CCDC57: variants seen among roughly 807,000 people sequenced by gnomAD.
The protein encoded by CCDC57 is coiled-coil domain-containing protein 57.
In CCDC57, 118 loss-of-function variants were observed where a neutral mutation model predicts 118.9. The ratio of observed to expected loss-of-function variants is 0.99; its 90% CI spans 0.86 to 1.16. The LOEUF (loss-of-function observed/expected upper bound fraction) is 1.16, where lower values mean the gene tolerates loss of function less well. Among genes scored for constraint, CCDC57 ranks in the 50% most tolerant of loss-of-function variants. The probability of loss-of-function intolerance (pLI) is 0.00; values close to 1 mark genes in which losing one functional copy is unlikely to be tolerated. For synonymous variants in CCDC57, 527 were observed against 532.9 expected (o/e 0.99, Z 0.15); for missense variants, 1,300 against 1,320.7 (o/e 0.98, Z 0.24).
exon 20 of CCDC57, chr17:82,101,611 C>G: frequency 1.0e-5 from 13 of 1,276,132 alleles, no homozygotes; most frequent in African/African-American, 3.0e-5. Flanking sequence ...CCCCACAACA[C>G]GTAGGTGAAA....
intron 15 of CCDC57, chr17:82,156,875 TCCCTGGGGATCTGCTCCCCAAGCACGGTG>T (rs1176213807): frequency 2.6e-5 from 4 of 152,286 alleles, no homozygotes; most frequent in African/African-American, 7.2e-5. Context: ...CCAGCCTGAG[TCCCTGGGGATCTGCTCCCCAAGCACGGTG>T]CCCTGGGGAT....
exon 18 of CCDC57, chr17:82,128,520 G>T: frequency 6.4e-7 from 1 of 1,569,126 alleles, no homozygotes; most frequent in Non-Finnish European, 8.7e-7. Context: ...CGTCAAGTCT[G>T]CTGCCCACCT....
chr17:82,133,431 CAAAAAAAAAA>C (rs71166189), intron 17 of CCDC57, among the ~76,000 whole-genome samples: 516 of 38,414 alleles, frequency 0.013, 5 homozygotes, highest in African/African-American at 0.049. Context: ...GGCCCTGTCT[CAAAAAAAAAA>C]AAAAAAAAAA....
At chr17:82,211,726 G>C (rs1447941923) in intron 1 of CCDC57, among the ~76,000 whole-genome samples, 2 of 152,092 alleles carry the variant, frequency 1.3e-5, no homozygotes, top group African/African-American at 4.8e-5. Context: ...TTCTTCGCTT[G>C]CAGCCCCTTG....
chr17:82,200,070 G>A (rs535864770), intron 3 of CCDC57, among the ~76,000 whole-genome samples: 1 of 152,306 alleles, frequency 6.6e-6, no homozygotes, highest in South Asian at 2.1e-4. Context: ...TGGGGCTTCT[G>A]AGCTAGAGGG....
intron 16 of CCDC57, among the ~76,000 whole-genome samples, chr17:82,141,241 T>C (rs1033759920): frequency 2.2e-4 from 33 of 149,672 alleles, no homozygotes; most frequent in Non-Finnish European, 3.5e-4. Context: ...TGGAGTGCAA[T>C]GGCATGATCT....
intron 19 of CCDC57, among the ~76,000 whole-genome samples, chr17:82,125,117 G>A (rs144255283): frequency 1.3e-5 from 2 of 152,228 alleles, no homozygotes; most frequent in Non-Finnish European, 2.9e-5. Flanking sequence ...CACGGGGAAC[G>A]GAAGCCACAC....
intron 17 of CCDC57, among the ~76,000 whole-genome samples, chr17:82,130,703 ATGTTG>A (rs1398841419): frequency 1.4e-5 from 2 of 146,344 alleles, no homozygotes; most frequent in African/African-American, 5.1e-5. Context: ...GGGTTTCATC[ATGTTG>A]GCCAGGCTGG....
At position 82,150,415 on chromosome 17, in the gene CCDC57, A is replaced by T. The variant is rs537158527; in HGVS notation, c.2455+1145T>A. On this transcript the variant is annotated intron_variant, in intron 16 of 19. Transcript: ENST00000665763. ...CACACCCAGAACCAGGCGCACACCC[A>T]GAACCTGACCCGCACCTAGAACCAG... Among the ~76,000 whole-genome samples the T allele has an allele frequency of 2.0e-5, 3 of 148,180 alleles. No homozygotes were observed. The South Asian group carries it at 6.6e-4, about 32-fold the overall frequency.
Position 82,172,763 on chromosome 17 carries a change from A to G in CCDC57, c.1604T>C (p.Ile535Thr), listed in dbSNP as rs1480672842. ...CTCCATTTCTTTCCTCATCTGGGCA[A>G]TCGCGTTTCGCAAGCTCGTGTTCTG... Residue 535 changes from isoleucine (I) to threonine (T), a missense_variant, in exon 12 of 20, where the codon ATT (isoleucine) becomes ACT (threonine). Transcript: ENST00000665763. This position sits in a 1 kb window ranked among gnomAD's most constrained non-coding sequence, Gnocchi z 5.2. The G allele has an allele frequency of 6.2e-7, 1 of 1,612,076 alleles. No homozygotes were observed. Among genetic ancestry groups the G allele is most frequent in the Non-Finnish European group, 8.5e-7 (1 of 1,179,282 alleles).
intron 16 of CCDC57, among the ~76,000 whole-genome samples, chr17:82,144,882 A>C (rs1287354468): frequency 6.6e-6 from 1 of 152,212 alleles, no homozygotes; most frequent in Non-Finnish European, 1.5e-5. Flanking sequence ...CAGGAAAATG[A>C]CATGACGATA....
intron 9 of CCDC57, among the ~76,000 whole-genome samples, chr17:82,182,687 T>G (rs945943964): frequency 6.8e-6 from 1 of 147,986 alleles, no homozygotes; most frequent in African/African-American, 2.5e-5. Flanking sequence ...ATTTTTTATT[T>G]GTTTATTCAT....
intron 15 of CCDC57, among the ~76,000 whole-genome samples, chr17:82,152,995 G>A (rs971427566): frequency 6.6e-6 from 1 of 152,242 alleles, no homozygotes; most frequent in Non-Finnish European, 1.5e-5. Context: ...GAGGACGGGT[G>A]CAGGGCAGCC....
intron 8 of CCDC57, 57 bp from the exon 8 acceptor site, chr17:82,183,989 T>C (rs1464212807): frequency 1.5e-5 from 19 of 1,310,220 alleles, no homozygotes; most frequent in South Asian, 4.3e-5. Flanking sequence ...AGTTGTCTCT[T>C]ACACAGCACC....
At chr17:82,102,957 G>C (rs895405922) in intron 19 of CCDC57, among the ~76,000 whole-genome samples, 1 of 152,204 alleles carries the variant, frequency 6.6e-6, no homozygotes, top group Non-Finnish European at 1.5e-5. Flanking sequence ...CCACACTGTG[G>C]CTGGGGTGAG....
chr17:82,128,727 G>A, intron 17 of CCDC57, 130 bp from the exon 17 acceptor site: 1 of 718,126 alleles, frequency 1.4e-6, no homozygotes, highest in Non-Finnish European at 2.3e-6. Context: ...CACACCATTT[G>A]GTGACAGCCC....
chr17:82,106,131 T>C (rs1236028535), intron 19 of CCDC57: 1 of 152,334 alleles, frequency 6.6e-6, no homozygotes, highest in African/African-American at 2.4e-5. Context: ...AGCCTGTCAG[T>C]GTTGCCCAAT....
intron 16 of CCDC57, among the ~76,000 whole-genome samples, chr17:82,138,650 TGGCCTGCCCCGGGTCGGAAG>T (rs2145515370): frequency 6.8e-6 from 1 of 146,902 alleles, no homozygotes; most frequent in South Asian, 2.2e-4. Context: ...AAGAGACGCA[TGGCCTGCCCCGGGTCGGAAG>T]AGACGCGTGG....
chr17:82,159,094 T>A (rs1415770085), intron 14 of CCDC57, among the ~76,000 whole-genome samples: 1 of 152,182 alleles, frequency 6.6e-6, no homozygotes, highest in African/African-American at 2.4e-5. Context: ...TTCAAACTGC[T>A]GAGCTCAAAT....
Sources: gnomAD v4.1 joint callset for allele counts (sites outside exome capture counted in the v4.1 genomes callset) on GRCh38, gnomAD v4.1.1 for gene constraint, Gnocchi (gnomAD v3.1) non-coding constraint, MANE v1.5 for transcripts, NCBI Gene and HGNC (gene_info 2026-07-23, HGNC 2026-07-21) for gene names.